Variants in KIF26B observed in about 807,000 individuals in gnomAD.
KIF26B encodes the protein kinesin family member 26B, also known as kinesin-like protein KIF26B.
KIF26B carries 63 observed loss-of-function variants against 151.2 expected under a neutral mutation model. That is an observed-to-expected ratio of 0.42 (90% CI 0.34 to 0.51). The LOEUF is 0.51. Ranked by LOEUF, KIF26B falls within the 20% of genes least tolerant of loss-of-function variation. The probability of loss-of-function intolerance (pLI) is 0.07; values close to 1 mark genes in which losing one functional copy is unlikely to be tolerated. For synonymous variants in KIF26B, 1,357 were observed against 1,262.1 expected, an observed-to-expected ratio of 1.08 and a Z score of -1.59; for missense variants, 2,813 against 2,913.6, an observed-to-expected ratio of 0.97 and a Z score of 0.79.
chr1:245,611,861 T>G lies in KIF26B; in HGVS notation c.1983T>G (p.Ile661Met), dbSNP rs138313317. 2.2e-5 allele frequency: 35 copies of G among 1,613,768 alleles called. No individual in the cohort carries two copies. The highest frequency in any genetic ancestry group is 5.0e-5 in the Admixed American group (3 of 60,006). Residue 661 changes from isoleucine (I) to methionine (M), a missense_variant, in exon 9 of 15, where the codon ATT becomes ATG. Ile to Met is a conservative substitution (Grantham distance 10, BLOSUM62 1). Coordinates refer to ENST00000407071, the MANE Select transcript of KIF26B (RefSeq NM_018012.4). ...CTGCCTTTTTCCTGGATGCCGCCATTGCCTCCCGCAGGAGCCACCAACAGG... is the reference window on the plus strand; with the variant it reads ...CTGCCTTTTTCCTGGATGCCGCCATGGCCTCCCGCAGGAGCCACCAACAGG... ...EKAAFFLDAA[I>M]ASRRSHQQDC... is the part of the protein sequence containing the mutation.
intron 5 of KIF26B, among the ~76,000 whole-genome samples, chr1:245,548,149 T>C (rs944371367): frequency 2.0e-5 from 3 of 152,176 alleles, no homozygotes; most frequent in African/African-American, 7.2e-5. Flanking sequence ...GCCCCTTATG[T>C]TTCTAGTGGA....
In KIF26B at chr1:245,673,113, C is replaced by T. The variant is rs531117140; in HGVS notation, c.2259-11120C>T. On this transcript the variant is annotated intron_variant, in intron 10 of 14. Coordinates refer to ENST00000407071, the MANE Select transcript of KIF26B (RefSeq NM_018012.4). ...GCGCTGCCATCTTAGGCCCAGTCCC[C>T]GCTGCGCGCTGCCATCTTAGGCCCA... Among the ~76,000 whole-genome samples the T allele has an allele frequency of 3.2e-4, 44 of 137,980 alleles. 1 individual carries two copies. The highest frequency in any genetic ancestry group is 9.6e-4 in the African/African-American group (34 of 35,472). 90.5% of individuals were successfully genotyped at this position (137,980 alleles called of 152,430 possible).
rs1262091195 is a variant in KIF26B, at chr1:245,227,727, G to T, written c.465+71044G>T. On this transcript the variant is annotated intron_variant, in intron 2 of 14. Transcript: ENST00000407071. This position sits in a 1 kb window ranked among gnomAD's most constrained non-coding sequence, Gnocchi z 4.1. The stretch of plus-strand genomic sequence containing the variant: ...TTAAAAAAACACTCTGAGGCTGGGT[G>T]TGGTGGCTCACGCCTGTGATTCCAG... Among the ~76,000 whole-genome samples the T allele has an allele frequency of 1.3e-5, 2 of 152,200 alleles. No individual in the cohort carries two copies. The highest frequency in any genetic ancestry group is 2.9e-5 in the Non-Finnish European group (2 of 68,032).
At chr1:245,426,486 C>T (rs1773780) in intron 4 of KIF26B, among the ~76,000 whole-genome samples, 19,017 of 152,164 alleles carry the variant, frequency 0.12, 1,530 homozygotes, top group African/African-American at 0.22. Context: ...TTTCTCAGGA[C>T]GTGATTGTTT....
chr1:245,574,853 C>CT (rs1187889956), intron 5 of KIF26B, among the ~76,000 whole-genome samples: 13 of 138,996 alleles, frequency 9.4e-5, no homozygotes, highest in Admixed American at 2.2e-4. Flanking sequence ...ATATCTTTTT[C>CT]TTTTTTTTTT....
intron 2 of KIF26B, among the ~76,000 whole-genome samples, chr1:245,248,189 A>G (rs747102070): frequency 1.8e-4 from 28 of 151,978 alleles, no homozygotes; most frequent in South Asian, 4.2e-4. Context: ...AACTGAGCAC[A>G]TTGAGAAAGA....
intron 5 of KIF26B, among the ~76,000 whole-genome samples, chr1:245,545,624 AC>A (rs1284445619): frequency 6.6e-6 from 1 of 152,222 alleles, no homozygotes; most frequent in Non-Finnish European, 1.5e-5. Context: ...ATTCTGTCTC[AC>A]TTTGAAGTTA....
chr1:245,356,959 C>T lies in KIF26B; in HGVS notation c.466-9875C>T, dbSNP rs968239258. Among the ~76,000 whole-genome samples the T allele has an allele frequency of 1.6e-4, 25 of 152,180 alleles. 1 individual carries two copies. Among genetic ancestry groups the T allele is most frequent in the African/African-American group, 4.8e-5 (2 of 41,430 alleles). ...TAAGAGATGGCCAGGCAGATATCTG[C>T]AGGTGAGAGTTTTCTGGGCAGGAGG... On this transcript the variant is annotated intron_variant, in intron 2 of 14. Coordinates refer to ENST00000407071, the MANE Select transcript of KIF26B (RefSeq NM_018012.4).
chr1:245,250,339 T>G (rs1670420396), intron 2 of KIF26B, among the ~76,000 whole-genome samples: 1 of 152,252 alleles, frequency 6.6e-6, no homozygotes, highest in African/African-American at 2.4e-5. Flanking sequence ...AGTTGAGAAC[T>G]TGACAGTTTC....
At position 245,702,617 on chromosome 1, in the gene KIF26B, C is replaced by T. The variant is rs746162792; in HGVS notation, c.*11C>T. 3 of 1,611,826 alleles carry T rather than the reference C, an allele frequency of 1.9e-6. No homozygotes were observed. The highest frequency in any genetic ancestry group is 1.7e-6 in the Non-Finnish European group (2 of 1,178,528). ...TCCAGGCGCCGGTAGATGAGCCAGACCCTTGTCCTAGTGGTCCCCCGCTCC... is the reference window on the plus strand; with the variant it reads ...TCCAGGCGCCGGTAGATGAGCCAGATCCTTGTCCTAGTGGTCCCCCGCTCC... On this transcript the variant is annotated 3_prime_UTR_variant, in exon 15 of 15. Coordinates refer to ENST00000407071, the MANE Select transcript of KIF26B (RefSeq NM_018012.4). This position sits in a 1 kb window ranked among gnomAD's most constrained non-coding sequence, Gnocchi z 4.1.
chr1:245,688,048 T>G lies in KIF26B; in HGVS notation c.5065T>G (p.Ser1689Ala), dbSNP rs1330986781. Residue 1689 changes from serine (S) to alanine (A), a missense_variant, in exon 12 of 15, where the codon TCC (serine) becomes GCC (alanine). By Grantham distance (99) the Ser-to-Ala change is moderately conservative. Coordinates refer to ENST00000407071, the MANE Select transcript of KIF26B (RefSeq NM_018012.4). ...CLSLERAESLSSVSSRLHAGK... is the reference protein window; with the variant it reads ...CLSLERAESLASVSSRLHAGK... ...CTCCCTGGAGCGGGCCGAGAGCCTG[T>G]CCTCCGTGAGCTCCCGGCTGCACGC... The G allele has an allele frequency of 9.0e-6, 14 of 1,554,794 alleles. No homozygotes were observed. Among genetic ancestry groups the G allele is most frequent in the Non-Finnish European group, 1.2e-5 (14 of 1,149,816 alleles).
At chr1:245,566,197 C>T (rs1314889860) in intron 5 of KIF26B, among the ~76,000 whole-genome samples, 1 of 152,196 alleles carries the variant, frequency 6.6e-6, no homozygotes, top group African/African-American at 2.4e-5. Flanking sequence ...TTAGTGCATG[C>T]CAGATGATTT....
At chr1:245,417,090 A>T (rs1069218) in intron 3 of KIF26B, among the ~76,000 whole-genome samples, 90,846 of 151,910 alleles carry the variant, frequency 0.6, 27,758 homozygotes, top group Middle Eastern at 0.69. Flanking sequence ...CCCCATCATG[A>T]CACTGGCTGT....
chr1:245,391,203 T>C (rs924991458), intron 3 of KIF26B, among the ~76,000 whole-genome samples: 6 of 152,134 alleles, frequency 3.9e-5, no homozygotes, highest in African/African-American at 1.4e-4. Flanking sequence ...ATAAGATCCA[T>C]ACAAAGTACA....
At chr1:245,284,844 G>A (rs1033575826) in intron 2 of KIF26B, among the ~76,000 whole-genome samples, 31 of 152,062 alleles carry the variant, frequency 2.0e-4, no homozygotes, top group African/African-American at 6.3e-4. Context: ...TTCAAGACCA[G>A]CCTGACCAAT....
At position 245,372,515 on chromosome 1, in the gene KIF26B, C is replaced by T. The variant is rs148653853; in HGVS notation, c.999+5148C>T. ...AGGTGGTTTTCCGATCCTCACCCTC[C>T]TCCCACCCTCCACCCCCAAGTAGGC... On this transcript the variant is annotated intron_variant, in intron 3 of 14. Transcript: ENST00000407071. Among the ~76,000 whole-genome samples, 661 of 152,280 alleles carry T rather than the reference C, an allele frequency of 4.3e-3. 5 individuals are homozygous for T. Among genetic ancestry groups the T allele is most frequent in the African/African-American group, 0.015 (636 of 41,560 alleles).
chr1:245,427,674 AT>A (rs113533587), intron 4 of KIF26B, among the ~76,000 whole-genome samples: 19 of 151,202 alleles, frequency 1.3e-4, no homozygotes, highest in Non-Finnish European at 1.3e-4. Context: ...TCACTGTATT[AT>A]TTTTTTTTCC....
intron 2 of KIF26B, among the ~76,000 whole-genome samples, chr1:245,328,166 A>T (rs1208446059): frequency 6.8e-6 from 1 of 146,882 alleles, no homozygotes; most frequent in Non-Finnish European, 1.5e-5. Context: ...GGCGGGAGAG[A>T]GACCCAGGCT....
chr1:245,406,798 A>AT (rs1193466910), intron 3 of KIF26B, among the ~76,000 whole-genome samples: 1 of 151,744 alleles, frequency 6.6e-6, no homozygotes, highest in Non-Finnish European at 1.5e-5. Flanking sequence ...ACTTATTATT[A>AT]TTTTTTTGAG....
Sources: gnomAD v4.1 joint callset for allele counts (sites outside exome capture counted in the v4.1 genomes callset) on GRCh38, gnomAD v4.1.1 for gene constraint, Gnocchi (gnomAD v3.1) non-coding constraint, MANE v1.5 for transcripts, NCBI Gene and HGNC (gene_info 2026-07-23, HGNC 2026-07-21) for gene names.